The following ACYP2 variants were observed in gnomAD, a reference collection of about 807,000 sequenced individuals.
ACYP2 encodes acylphosphatase 2.
Under a neutral mutation model 11.2 loss-of-function variants are expected in ACYP2, and 12 were observed. That is an observed-to-expected ratio of 1.08 (90% CI 0.69 to 1.74). ACYP2 has a LOEUF of 1.74. Ranked by LOEUF, ACYP2 falls within the 40% of genes most tolerant of loss-of-function variation. The probability of loss-of-function intolerance (pLI) is 0.00; values close to 1 mark genes in which losing one functional copy is unlikely to be tolerated. For missense variants in ACYP2, 134 were observed against 101.9 expected, an observed-to-expected ratio of 1.31 and a Z score of -1.35; for synonymous variants, 43 against 32.2, an observed-to-expected ratio of 1.33 and a Z score of -1.13.
chr2:54,256,994 T>G (rs1687569721), intron 6 of ACYP2, among the ~76,000 whole-genome samples: 1 of 152,184 alleles, frequency 6.6e-6, no homozygotes, highest in Non-Finnish European at 1.5e-5. Flanking sequence ...AATGGTACCT[T>G]TTGAAGAACA....
intron 4 of ACYP2, among the ~76,000 whole-genome samples, chr2:54,077,237 A>T (rs1677391084): frequency 6.6e-6 from 1 of 152,218 alleles, no homozygotes; most frequent in Non-Finnish European, 1.5e-5. Context: ...CTAACCTAAG[A>T]ATTCAAATGA....
intron 6 of ACYP2, among the ~76,000 whole-genome samples, chr2:54,285,252 A>C (rs1381743655): frequency 6.6e-6 from 1 of 152,154 alleles, no homozygotes; most frequent in Non-Finnish European, 1.5e-5. Flanking sequence ...TCAACATACA[A>C]ATTTTGGGAG....
intron 2 of ACYP2, among the ~76,000 whole-genome samples, chr2:54,022,045 C>A (rs1036941508): frequency 2.0e-5 from 3 of 152,132 alleles, no homozygotes; most frequent in Non-Finnish European, 2.9e-5. Context: ...TGCTTTCCCC[C>A]ACAACTTCCT....
chr2:54,109,576 A>G (rs567041221), intron 4 of ACYP2, among the ~76,000 whole-genome samples: 11 of 152,204 alleles, frequency 7.2e-5, no homozygotes, highest in Non-Finnish European at 1.6e-4. Context: ...CATAAATTTA[A>G]AAATAAAAAA....
intron 6 of ACYP2, among the ~76,000 whole-genome samples, chr2:54,163,574 G>C (rs1236182976): frequency 1.3e-5 from 2 of 152,180 alleles, no homozygotes; most frequent in Non-Finnish European, 2.9e-5. Flanking sequence ...TTTGTTATCG[G>C]CTGGGGGCGG....
At chr2:54,213,955 G>A (rs1236860054) in intron 6 of ACYP2, among the ~76,000 whole-genome samples, 1 of 151,632 alleles carries the variant, frequency 6.6e-6, no homozygotes, top group Non-Finnish European at 1.5e-5. Context: ...TTATTTTTTT[G>A]TAGCGACAAG....
intron 4 of ACYP2, among the ~76,000 whole-genome samples, chr2:54,108,163 GC>G (rs1288097703): frequency 1.3e-5 from 2 of 152,264 alleles, no homozygotes; most frequent in East Asian, 3.9e-4. Context: ...GCAGCAGATG[GC>G]CCCTGCCTCA....
chr2:54,210,896 GA>G (rs1267779472), intron 6 of ACYP2, among the ~76,000 whole-genome samples: 6 of 152,046 alleles, frequency 3.9e-5, no homozygotes, highest in East Asian at 3.9e-4. Flanking sequence ...CCCAGGAATA[GA>G]AAAAAAATTT....
intron 6 of ACYP2, among the ~76,000 whole-genome samples, chr2:54,199,727 G>C (rs961080278): frequency 6.6e-6 from 1 of 152,230 alleles, no homozygotes; most frequent in Non-Finnish European, 1.5e-5. Context: ...ATACAGAGTT[G>C]TGAAGTTTGG....
At chr2:54,003,211 G>T (rs989877908) in intron 2 of ACYP2, among the ~76,000 whole-genome samples, 2 of 152,140 alleles carry the variant, frequency 1.3e-5, no homozygotes, top group Non-Finnish European at 2.9e-5. Context: ...GCCTCCCAAA[G>T]TGATGGGATT....
intron 2 of ACYP2, among the ~76,000 whole-genome samples, chr2:54,032,096 A>G (rs909560115): frequency 3.3e-5 from 5 of 151,876 alleles, no homozygotes; most frequent in African/African-American, 7.3e-5. Flanking sequence ...CTCTGATGGT[A>G]TTTTCTTTTG....
chr2:54,138,781 A>G lies in ACYP2; in HGVS notation c.404+33A>G, dbSNP rs1242372390. The G allele has an allele frequency of 3.8e-6, 6 of 1,563,832 alleles. No individual in the cohort carries two copies. In the African/African-American group the frequency reaches 8.2e-5, roughly 21 times the overall value. On this transcript the variant is annotated intron_variant, in intron 6 of 6. Transcript: ENST00000607452. ...GTAAAATTAATAACATGTACATGAA[A>G]TTTATGAGGCTGCTGTTTTTTAGTT...
chr2:54,297,339 A>T (rs781709520), intron 6 of ACYP2, among the ~76,000 whole-genome samples: 19 of 152,076 alleles, frequency 1.2e-4, no homozygotes, highest in Non-Finnish European at 2.1e-4. Flanking sequence ...ACACACAAAA[A>T]AATTTTTAAT....
chr2:54,261,024 A>C (rs1434922783), intron 6 of ACYP2, among the ~76,000 whole-genome samples: 4 of 152,188 alleles, frequency 2.6e-5, no homozygotes, highest in African/African-American at 9.7e-5. Context: ...CGATAAAATC[A>C]GTTAGTGGGA....
intron 6 of ACYP2, among the ~76,000 whole-genome samples, chr2:54,298,099 T>A (rs1689589804): frequency 6.6e-6 from 1 of 152,228 alleles, no homozygotes; most frequent in Non-Finnish European, 1.5e-5. Flanking sequence ...GGTTTTATAT[T>A]CTAAAACCAT....
chr2:54,272,406 G>A (rs894808316), intron 6 of ACYP2, among the ~76,000 whole-genome samples: 2 of 152,132 alleles, frequency 1.3e-5, no homozygotes, highest in African/African-American at 2.4e-5. Context: ...GAATCCGCTC[G>A]CCTGCATCTG....
intron 4 of ACYP2, among the ~76,000 whole-genome samples, chr2:54,076,659 A>G (rs1451687347): frequency 6.6e-6 from 1 of 152,242 alleles, no homozygotes; most frequent in African/African-American, 2.4e-5. Context: ...AAGAAAGGCC[A>G]GAGTGTTTTG....
chr2:54,078,533 C>G (rs1373882554), intron 4 of ACYP2, among the ~76,000 whole-genome samples: 1 of 151,282 alleles, frequency 6.6e-6, no homozygotes, highest in Non-Finnish European at 1.5e-5. Context: ...TCATCTTGAA[C>G]AAATATTTAT....
chr2:54,113,726 A>G (rs1679581358), intron 4 of ACYP2, among the ~76,000 whole-genome samples: 1 of 152,178 alleles, frequency 6.6e-6, no homozygotes, highest in Non-Finnish European at 1.5e-5. Flanking sequence ...AGGGGGAGGC[A>G]TTCCAGATAG....
Sources: gnomAD v4.1 joint callset for allele counts (sites outside exome capture counted in the v4.1 genomes callset) on GRCh38, gnomAD v4.1.1 for gene constraint, MANE v1.5 for transcripts, NCBI Gene and HGNC (gene_info 2026-07-23, HGNC 2026-07-21) for gene names.